The following RAD51B variants were observed in gnomAD, a reference collection of about 807,000 sequenced individuals.
The protein encoded by RAD51B is RAD51 paralog B.
Under a neutral mutation model 42.2 loss-of-function variants are expected in RAD51B, and 38 were observed. The observed-to-expected ratio is 0.90, with a 90% CI of 0.70 to 1.18. RAD51B has a LOEUF of 1.18. RAD51B is among the 50% of genes most tolerant of loss of function. The pLI is 0.00. For synonymous variants in RAD51B, 154 were observed against 145.2 expected (o/e 1.06, Z -0.43); for missense variants, 373 against 400.7 (o/e 0.93, Z 0.59).
At chr14:68,596,939 C>A (rs939995878), downstream of RAD51B, among the ~76,000 whole-genome samples, 1 of 152,206 alleles carries the variant, frequency 6.6e-6, no homozygotes, top group Non-Finnish European at 1.5e-5. Flanking sequence ...TCCAAGGGTG[C>A]CACGTTACCT....
intron 10 of RAD51B, among the ~76,000 whole-genome samples, chr14:68,520,353 T>A (rs1463296095): frequency 6.6e-6 from 1 of 152,182 alleles, no homozygotes; most frequent in Non-Finnish European, 1.5e-5. Context: ...AATTATGAAC[T>A]ATTAGATTAC....
At chr14:68,225,234 A>T (rs1344937548) in intron 7 of RAD51B, among the ~76,000 whole-genome samples, 5 of 152,192 alleles carry the variant, frequency 3.3e-5, no homozygotes, top group Non-Finnish European at 7.4e-5. Flanking sequence ...GCACTAATGG[A>T]GGAACATTGT....
chr14:68,100,405 C>G (rs2077268987), intron 7 of RAD51B, among the ~76,000 whole-genome samples: 1 of 152,112 alleles, frequency 6.6e-6, no homozygotes, highest in African/African-American at 2.4e-5. Flanking sequence ...TCTTGAACTC[C>G]TGATCTCAAG....
intron 7 of RAD51B, among the ~76,000 whole-genome samples, chr14:67,891,659 T>G (rs1454477474): frequency 2.6e-5 from 4 of 152,028 alleles, no homozygotes; most frequent in African/African-American, 9.7e-5. Context: ...ATTTATTTAT[T>G]TATTTATTTT....
At chr14:68,339,332 C>T (rs1445947094) in intron 8 of RAD51B, 4 of 1,008,624 alleles carry the variant, frequency 4.0e-6, no homozygotes, top group African/African-American at 1.6e-5. Flanking sequence ...GGATGGCTCT[C>T]TGCCGCTGCA....
chr14:68,362,147 T>C (rs1275724574), intron 8 of RAD51B, among the ~76,000 whole-genome samples: 1 of 152,220 alleles, frequency 6.6e-6, no homozygotes, highest in Admixed American at 6.5e-5. Context: ...GGGATTGTTG[T>C]GAGAATTAAA....
intron 7 of RAD51B, among the ~76,000 whole-genome samples, chr14:68,137,149 G>A (rs996680710): frequency 6.6e-6 from 1 of 152,060 alleles, no homozygotes; most frequent in African/African-American, 2.4e-5. Flanking sequence ...GATGGCACAC[G>A]CTTATAATCC....
At chr14:68,390,701 GC>G (rs2140013182) in intron 8 of RAD51B, among the ~76,000 whole-genome samples, 1 of 152,286 alleles carries the variant, frequency 6.6e-6, no homozygotes, top group Admixed American at 6.5e-5. Context: ...GATATTAGAG[GC>G]CCTGTGGTCA....
chr14:68,309,135 G>A (rs981398564), intron 8 of RAD51B, among the ~76,000 whole-genome samples: 9 of 151,960 alleles, frequency 5.9e-5, no homozygotes, highest in Non-Finnish European at 8.8e-5. Context: ...TTTTTTTCAC[G>A]AGTTATCTTG....
intron 8 of RAD51B, among the ~76,000 whole-genome samples, chr14:68,386,386 G>A (rs1167259847): frequency 2.6e-5 from 4 of 152,156 alleles, no homozygotes; most frequent in African/African-American, 4.8e-5. Context: ...ATATAAAGGC[G>A]TTTACAAGCC....
intron 7 of RAD51B, among the ~76,000 whole-genome samples, chr14:68,129,540 C>T (rs1326466105): frequency 1.3e-5 from 2 of 152,066 alleles, no homozygotes; most frequent in African/African-American, 2.4e-5. Flanking sequence ...AACTAGAAAT[C>T]GATAAGCACA....
At chr14:68,607,997 G>A (rs540821607) in intron 10 of RAD51B, among the ~76,000 whole-genome samples, 37 of 152,338 alleles carry the variant, frequency 2.4e-4, no homozygotes, top group African/African-American at 7.2e-4. Flanking sequence ...GAAGGAGCCC[G>A]TGGCACTTTC....
At chr14:68,209,451 T>C (rs936785444) in intron 7 of RAD51B, among the ~76,000 whole-genome samples, 2 of 152,224 alleles carry the variant, frequency 1.3e-5, no homozygotes, top group Admixed American at 1.3e-4. Flanking sequence ...CACTGATAAC[T>C]CTCTGAGAGG....
chr14:68,424,367 A>G (rs904855013), intron 9 of RAD51B, among the ~76,000 whole-genome samples: 2 of 152,064 alleles, frequency 1.3e-5, no homozygotes, highest in African/African-American at 4.8e-5. Flanking sequence ...TAGCAGTACT[A>G]TGTTTTGTTT....
chr14:68,212,159 G>A (rs913561345), intron 7 of RAD51B, among the ~76,000 whole-genome samples: 6 of 152,324 alleles, frequency 3.9e-5, no homozygotes, highest in African/African-American at 1.4e-4. Flanking sequence ...GGCTGGGACT[G>A]GACCCAAGCT....
chr14:68,335,296 C>CA (rs768281887), intron 8 of RAD51B, among the ~76,000 whole-genome samples: 1,282 of 43,114 alleles, frequency 0.03, 33 homozygotes, highest in African/African-American at 0.093. Context: ...GACCCTGTGT[C>CA]AAAAAAAAAA....
chr14:67,990,470 T>G (rs2075276540), intron 7 of RAD51B, among the ~76,000 whole-genome samples: 3 of 152,224 alleles, frequency 2.0e-5, no homozygotes, highest in Non-Finnish European at 4.4e-5. Flanking sequence ...CGTTCCTTAC[T>G]TTGTAGGGAG....
intron 10 of RAD51B, among the ~76,000 whole-genome samples, chr14:68,620,304 A>G (rs1290782266): frequency 6.6e-6 from 1 of 152,194 alleles, no homozygotes; most frequent in Non-Finnish European, 1.5e-5. Flanking sequence ...CGCCTGAGAT[A>G]GTAGGGGCCT....
At chr14:68,564,314 C>A (rs1889310595) in intron 10 of RAD51B, among the ~76,000 whole-genome samples, 1 of 152,212 alleles carries the variant, frequency 6.6e-6, no homozygotes, top group South Asian at 2.1e-4. Context: ...TCCTTTGCAG[C>A]CTGTGGGTAT....
Sources: gnomAD v4.1 joint callset for allele counts (sites outside exome capture counted in the v4.1 genomes callset) on GRCh38, gnomAD v4.1.1 for gene constraint, MANE v1.5 for transcripts, NCBI Gene and HGNC (gene_info 2026-07-23, HGNC 2026-07-21) for gene names.